SH3BP4: variants seen among roughly 807,000 people sequenced by gnomAD.
SH3BP4 encodes the protein SH3 domain-binding protein 4.
SH3BP4 carries 33 observed loss-of-function variants against 65.5 expected under a neutral mutation model. The ratio of observed to expected loss-of-function variants is 0.50; its 90% CI spans 0.38 to 0.67. SH3BP4 has a LOEUF of 0.67. Among genes scored for constraint, SH3BP4 ranks in the 30% least tolerant of loss-of-function variants. SH3BP4 has a pLI of 0.00. For synonymous variants in SH3BP4, 552 were observed against 545.5 expected, an observed-to-expected ratio of 1.01 and a Z score of -0.17; for missense variants, 1,134 against 1,261.4, an observed-to-expected ratio of 0.90 and a Z score of 1.53.
In SH3BP4 at chr2:235,046,101, G is replaced by A. The variant is rs1042077432; in HGVS notation, c.2478+2854G>A. ...CCCCTGCCCTGAACACACCCAGCTC[G>A]CCCGGCCTCCAGCTCCTGCAGATGC... On this transcript the variant is annotated intron_variant, in intron 4 of 5. Coordinates refer to ENST00000392011, the MANE Select transcript of SH3BP4 (RefSeq NM_014521.3). The surrounding 1 kb of genome is among the most constrained non-coding windows in gnomAD (Gnocchi z 4.2). Among the ~76,000 whole-genome samples, 1 of 152,112 alleles carries A rather than the reference G, an allele frequency of 6.6e-6. No homozygotes were observed. Among genetic ancestry groups the A allele is most frequent in the Non-Finnish European group, 1.5e-5 (1 of 68,018 alleles).
At position 235,035,706 on chromosome 2, in the gene SH3BP4, G is replaced by T. The variant is rs974087027; in HGVS notation, c.118+586G>T. 6.6e-6 allele frequency among the ~76,000 whole-genome samples: 1 copy of T among 152,188 alleles called. No homozygotes were observed. The highest frequency in any genetic ancestry group is 2.4e-5 in the African/African-American group (1 of 41,438). ...GCTTTACCAACCCCTGATCTAGAAG[G>T]TGGTTCTAAAGTTTAATAACCCTGG... is the stretch of plus-strand genomic sequence containing the variant. On this transcript the variant is annotated intron_variant, in intron 3 of 5. Transcript: ENST00000392011. The surrounding 1 kb of genome is among the most constrained non-coding windows in gnomAD (Gnocchi z 5.0).
intron 2 of SH3BP4, among the ~76,000 whole-genome samples, chr2:235,025,433 A>G: frequency 6.6e-6 from 1 of 152,146 alleles, no homozygotes; most frequent in East Asian, 1.9e-4. Flanking sequence ...AGCCGAGGGA[A>G]GGTCCGGGTC....
chr2:234,954,169 T>A (rs1351506525), intron 1 of SH3BP4, among the ~76,000 whole-genome samples: 1 of 152,030 alleles, frequency 6.6e-6, no homozygotes. Flanking sequence ...TTTATTATTA[T>A]TTTTTTCCTG....
chr2:235,027,748 A>G (rs1695046902), intron 2 of SH3BP4, among the ~76,000 whole-genome samples: 2 of 152,216 alleles, frequency 1.3e-5, no homozygotes, highest in Admixed American at 6.5e-5. Context: ...TTCCTTCTGC[A>G]GCGTTCAGGT....
rs145928711 is a variant in SH3BP4 at position 235,033,680 on chromosome 2, T to C, written c.-132-1191T>C. 1.9e-3 allele frequency among the ~76,000 whole-genome samples: 295 copies of C among 152,326 alleles called. No homozygotes were observed. Among genetic ancestry groups the C allele is most frequent in the African/African-American group, 6.8e-3 (283 of 41,574 alleles). ...ACAAGATGGTCCCTATAGCAGCATG[T>C]GGACACACGCCTTGCTCTGCTCACT... On this transcript the variant is annotated intron_variant, in intron 2 of 5. Transcript: ENST00000392011. This position sits in a 1 kb window ranked among gnomAD's most constrained non-coding sequence, Gnocchi z 5.7.
chr2:235,009,101 G>T (rs1220233471), intron 2 of SH3BP4, among the ~76,000 whole-genome samples: 1 of 152,216 alleles, frequency 6.6e-6, no homozygotes, highest in Non-Finnish European at 1.5e-5. Context: ...CCATTGGTGA[G>T]TTTGTTGAAA....
chr2:235,026,043 G>T lies in SH3BP4; in HGVS notation c.-132-8828G>T, dbSNP rs542363543. Among the ~76,000 whole-genome samples, 4 of 152,312 alleles carry T rather than the reference G, an allele frequency of 2.6e-5. No individual in the cohort carries two copies. Among genetic ancestry groups the T allele is most frequent in the Admixed American group, 2.6e-4 (4 of 15,304 alleles). ...CTCTGAAGAGTCTGAAGTAATGGTT[G>T]CTTTGAATGCAAGGAGATTCTGGGA... On this transcript the variant is annotated intron_variant, in intron 2 of 5. Transcript: ENST00000392011. The surrounding 1 kb of genome is among the most constrained non-coding windows in gnomAD (Gnocchi z 4.6).
At chr2:234,963,762 C>T (rs1692770028) in intron 1 of SH3BP4, among the ~76,000 whole-genome samples, 1 of 152,176 alleles carries the variant, frequency 6.6e-6, no homozygotes, top group African/African-American at 2.4e-5. Context: ...TTGTAAGCTT[C>T]TCCAGGGTCA....
chr2:234,998,336 ATAATTTT>A lies in SH3BP4; in HGVS notation c.-133+2962_-133+2968del, dbSNP rs1210796397. On this transcript the variant is annotated intron_variant, in intron 2 of 5. Transcript: ENST00000392011. ...GAGACGTAAAAATGAACAGGTAAACATAATTTTTTTTCTTGGGATTGTAAATTCACAC... is the reference window on the plus strand; with the variant it reads ...GAGACGTAAAAATGAACAGGTAAACATTTTCTTGGGATTGTAAATTCACAC... 7.0e-4 allele frequency among the ~76,000 whole-genome samples: 106 copies of A among 152,288 alleles called. No individual in the cohort carries two copies. In the East Asian group the frequency reaches 0.019, roughly 27 times the overall value.
chr2:235,042,158 T>C lies in SH3BP4; in HGVS notation c.1389T>C (p.Pro463=). ...CCCATGGCCCAAGCATCCTCTACCC[T>C]TCCACCGTGTGGGACTTCATCAATA... ...VVAHGPSILY[P]STVWDFINKK... The change falls in exon 4 of 6, where the codon CCT becomes CCC. Residue 463 remains proline, a synonymous_variant. Coordinates refer to ENST00000392011, the MANE Select transcript of SH3BP4 (RefSeq NM_014521.3). The surrounding 1 kb of genome is among the most constrained non-coding windows in gnomAD (Gnocchi z 7.3). The C allele has an allele frequency of 1.9e-6, 3 of 1,613,994 alleles. No individual in the cohort carries two copies. Among genetic ancestry groups the C allele is most frequent in the Non-Finnish European group, 2.5e-6 (3 of 1,180,004 alleles).
rs546093674 is a variant in SH3BP4, at chr2:234,993,418, G to A, written c.-206-1885G>A. 7.9e-5 allele frequency among the ~76,000 whole-genome samples: 12 copies of A among 152,330 alleles called. No homozygotes were observed. The South Asian group carries it at 1.0e-3, about 13-fold the overall frequency. The stretch of plus-strand genomic sequence containing the variant: ...GTGCCGGTGCCTGCCTAGAATTCAG[G>A]ATGGAGATTCTGAGAACCCTGACCA... On this transcript the variant is annotated intron_variant, in intron 1 of 5. Coordinates refer to ENST00000392011, the MANE Select transcript of SH3BP4 (RefSeq NM_014521.3).
chr2:235,012,343 C>T (rs1365730168), intron 2 of SH3BP4, among the ~76,000 whole-genome samples: 1 of 152,222 alleles, frequency 6.6e-6, no homozygotes, highest in African/African-American at 2.4e-5. Context: ...TGACCAGGCT[C>T]CACTTACACA....
At position 234,986,225 on chromosome 2, in the gene SH3BP4, C is replaced by T. The variant is rs115728038; in HGVS notation, c.-206-9078C>T. 6.0e-3 allele frequency among the ~76,000 whole-genome samples: 918 copies of T among 152,328 alleles called. 7 individuals are homozygous for T. The highest frequency in any genetic ancestry group is 0.021 in the African/African-American group (884 of 41,566). On this transcript the variant is annotated intron_variant, in intron 1 of 5. Coordinates refer to ENST00000392011, the MANE Select transcript of SH3BP4 (RefSeq NM_014521.3). ...GAGGCCCAGTCATTCCCTCCCTACC[C>T]TGAGTTGAGGAGGAAGGATAAGACT...
intron 1 of SH3BP4, among the ~76,000 whole-genome samples, chr2:234,971,246 A>G (rs1481147413): frequency 6.6e-6 from 1 of 152,222 alleles, no homozygotes; most frequent in Non-Finnish European, 1.5e-5. Context: ...AGGTGGAATC[A>G]TACAATATTT....
chr2:234,956,557 CTTTT>C (rs536560384), intron 1 of SH3BP4, among the ~76,000 whole-genome samples: 1 of 138,304 alleles, frequency 7.2e-6, no homozygotes, highest in Admixed American at 7.2e-5. Context: ...AACCCTGCCT[CTTTT>C]TTTTTTTTTT....
chr2:235,049,109 A>T (rs936397130), intron 4 of SH3BP4, among the ~76,000 whole-genome samples: 3 of 152,174 alleles, frequency 2.0e-5, no homozygotes, highest in Non-Finnish European at 2.9e-5. Context: ...TGTGTAAGTG[A>T]GTGAGGGAGA....
At chr2:234,960,364 A>G (rs946759456) in intron 1 of SH3BP4, among the ~76,000 whole-genome samples, 1 of 152,186 alleles carries the variant, frequency 6.6e-6, no homozygotes, top group Non-Finnish European at 1.5e-5. Flanking sequence ...TGTAAGAGGA[A>G]TGCTCTGTTC....
intron 2 of SH3BP4, among the ~76,000 whole-genome samples, chr2:234,999,492 T>C (rs577012518): frequency 5.3e-5 from 8 of 152,318 alleles, no homozygotes; most frequent in African/African-American, 1.7e-4. Flanking sequence ...CTTAAAGTTG[T>C]CTGGGCAGAC....
Position 235,052,763 on chromosome 2 carries a change from T to C in SH3BP4, c.2667+13T>C. Reference sequence around the variant, plus strand: ...TGTGGACAGCGAGGTGAGCAGCGGCTGAGCTTCGAGCTCACCGAGCCCCTC... The same window carrying C: ...TGTGGACAGCGAGGTGAGCAGCGGCCGAGCTTCGAGCTCACCGAGCCCCTC... On this transcript the variant is annotated intron_variant, in intron 5 of 5. Coordinates refer to ENST00000392011, the MANE Select transcript of SH3BP4 (RefSeq NM_014521.3). The surrounding 1 kb of genome is among the most constrained non-coding windows in gnomAD (Gnocchi z 5.0). 6 of 1,561,838 alleles carry C rather than the reference T, an allele frequency of 3.8e-6. No individual in the cohort carries two copies. Among genetic ancestry groups the C allele is most frequent in the Non-Finnish European group, 4.3e-6 (5 of 1,157,708 alleles).
Sources: gnomAD v4.1 joint callset for allele counts (sites outside exome capture counted in the v4.1 genomes callset) on GRCh38, gnomAD v4.1.1 for gene constraint, Gnocchi (gnomAD v3.1) non-coding constraint, MANE v1.5 for transcripts, NCBI Gene and HGNC (gene_info 2026-07-23, HGNC 2026-07-21) for gene names.